Variants in DNAH7 observed in about 807,000 individuals in gnomAD.
DNAH7 encodes dynein axonemal heavy chain 7, also known as axonemal beta dynein heavy chain 7.
Under a neutral mutation model 444.6 loss-of-function variants are expected in DNAH7, and 397 were observed. The observed-to-expected ratio is 0.89, with a 90% CI of 0.82 to 0.97. DNAH7 has a LOEUF of 0.97. Among genes scored for constraint, DNAH7 ranks in the 50% least tolerant of loss-of-function variants. The probability of loss-of-function intolerance (pLI) is 0.00; values close to 1 mark genes in which losing one functional copy is unlikely to be tolerated. For missense variants in DNAH7, 4,902 were observed against 4,800.8 expected (o/e 1.02, Z -0.62); for synonymous variants, 1,636 against 1,624.4 (o/e 1.01, Z -0.17).
chr2:195,934,905 C>T, intron 20 of DNAH7, 116 bp from the exon 21 acceptor site: 1 of 1,146,864 alleles, frequency 8.7e-7, no homozygotes, highest in Non-Finnish European at 1.2e-6. Context: ...AAATGCTGTG[C>T]AAAAACCGGA....
intron 1 of DNAH7, among the ~76,000 whole-genome samples, chr2:196,065,872 T>C (rs957441602): frequency 3.9e-5 from 6 of 152,256 alleles, no homozygotes; most frequent in Non-Finnish European, 8.8e-5. Flanking sequence ...ACCTTACCTT[T>C]CATGCTTCCA....
In DNAH7 at chr2:196,030,166, T is replaced by C. The variant is rs984645350; in HGVS notation, c.399-2119A>G. ...TGTGGTTAGGGAGGCCTCACAATCA[T>C]GGCAGAAGGCGAAAGCCACTTCTTA... On this transcript the variant is annotated intron_variant, in intron 5 of 64. Transcript: ENST00000312428. Among the ~76,000 whole-genome samples the C allele has an allele frequency of 3.3e-5, 5 of 152,182 alleles. No homozygotes were observed. The East Asian group carries it at 9.6e-4, about 29-fold the overall frequency.
chr2:196,055,428 GAA>G (rs1244824146), intron 2 of DNAH7, among the ~76,000 whole-genome samples: 1 of 152,156 alleles, frequency 6.6e-6, no homozygotes, highest in African/African-American at 2.4e-5. Flanking sequence ...AAAAGAAAAG[GAA>G]AGAGTGCAAT....
At chr2:196,043,773 T>C (rs959089231) in intron 5 of DNAH7, among the ~76,000 whole-genome samples, 2 of 151,946 alleles carry the variant, frequency 1.3e-5, no homozygotes, top group Non-Finnish European at 2.9e-5. Context: ...CAAAAGAAGA[T>C]ATGCAAATGG....
At chr2:195,901,065 T>C (rs1686676420) in intron 27 of DNAH7, 2 of 152,270 alleles carry the variant, frequency 1.3e-5, no homozygotes, top group South Asian at 4.1e-4. Context: ...TTTTCTACAA[T>C]AGCATTAAAT....
chr2:195,802,432 G>A (rs779061472), intron 54 of DNAH7, among the ~76,000 whole-genome samples: 1 of 152,160 alleles, frequency 6.6e-6, no homozygotes, highest in Non-Finnish European at 1.5e-5. Flanking sequence ...CCCGGGAGGT[G>A]GAGGTTGCAA....
At position 195,738,001 on chromosome 2, in the gene DNAH7, C is replaced by T. The variant is rs757642841; in HGVS notation, c.11995G>A (p.Ala3999Thr). The T allele has an allele frequency of 6.2e-7, 1 of 1,614,082 alleles. No homozygotes were observed. The highest frequency in any genetic ancestry group is 8.5e-7 in the Non-Finnish European group (1 of 1,179,944). The change falls in exon 65 of 65, where the codon GCC becomes ACC. Residue 3999 changes from alanine to threonine, a missense_variant. By Grantham distance (58) the Ala-to-Thr change is moderately conservative. Transcript: ENST00000312428. ...TTGHSTNFVI[A>T]MTLPSDQPKE... ...GGTTGGTCAGAGGGAAGAGTCATGG[C>T]AATCACAAAATTCGTGGAATGGCCA...
At position 195,972,315 on chromosome 2, in the gene DNAH7, C is replaced by T; in HGVS notation, c.1985G>A (p.Arg662Lys). 6.2e-7 allele frequency: 1 copy of T among 1,614,066 alleles called. No individual in the cohort carries two copies. Among genetic ancestry groups the T allele is most frequent in the Non-Finnish European group, 8.5e-7 (1 of 1,179,984 alleles). Residue 662 changes from arginine to lysine, a missense_variant, in exon 16 of 65, where the codon AGG becomes AAG. Arg to Lys is a conservative substitution (Grantham distance 26). Transcript: ENST00000312428. The stretch of plus-strand genomic sequence containing the variant: ...GTGTTCTTCAAAAATTTCTCCCATC[C>T]TTCCATACCACTGGAAAACACTATT... ...LNNSVFQWYG[R>K]MGEIFEEHRK...
chr2:196,062,730 T>C (rs1444197595), intron 1 of DNAH7, among the ~76,000 whole-genome samples: 1 of 152,202 alleles, frequency 6.6e-6, no homozygotes, highest in African/African-American at 2.4e-5. Flanking sequence ...AGACAGTGCT[T>C]TTCTGATAAT....
Position 195,787,088 on chromosome 2 carries a change from C to T in DNAH7, c.10800G>A (p.Trp3600Ter), listed in dbSNP as rs1317751343. ...TCTCATTGAACTCATAAGGAATATT[C>T]CACCCTAGGGGTCCAAATTTCCGTC... ...QERRKFGPLG[W>*]NIPYEFNETD... is the part of the protein sequence containing the mutation. The change falls in exon 58 of 65, where the codon TGG becomes TGA. Residue 3600 changes from tryptophan (W) to a stop codon, truncating the protein, a stop_gained. Coordinates refer to ENST00000312428, the MANE Select transcript of DNAH7 (RefSeq NM_018897.3). LOFTEE classifies it high-confidence loss of function. 1.9e-6 allele frequency: 3 copies of T among 1,612,668 alleles called. No homozygotes were observed. The highest frequency in any genetic ancestry group is 4.5e-5 in the East Asian group (2 of 44,846).
At chr2:195,784,820 A>G (rs1419724599) in intron 58 of DNAH7, among the ~76,000 whole-genome samples, 2 of 150,860 alleles carry the variant, frequency 1.3e-5, no homozygotes, top group East Asian at 3.9e-4. Context: ...TTTAGTTTTT[A>G]TTTCTCTGAT....
In DNAH7 at chr2:195,794,412, G is replaced by A. The variant is rs764919373; in HGVS notation, c.10642C>T (p.Arg3548Trp). Residue 3548 changes from arginine (R) to tryptophan (W), a missense_variant, in exon 57 of 65, where the codon CGG (arginine) becomes TGG (tryptophan). Arg to Trp is a moderately radical substitution (Grantham distance 101). Transcript: ENST00000312428. The part of the protein sequence containing the change: ...KMTNEAPKGL[R>W]ANIIRSYLMD... ...AGGTATGATCGAATGATATTAGCCCGTAAACCTTTTGGTGCTTCATTGGTC... is the reference window on the plus strand; with the variant it reads ...AGGTATGATCGAATGATATTAGCCCATAAACCTTTTGGTGCTTCATTGGTC... 1.6e-5 allele frequency: 26 copies of A among 1,614,016 alleles called. No homozygotes were observed. The highest frequency in any genetic ancestry group is 1.6e-4 in the Middle Eastern group (1 of 6,084).
intron 19 of DNAH7, among the ~76,000 whole-genome samples, chr2:195,940,339 G>A (rs1442938615): frequency 6.6e-6 from 1 of 152,112 alleles, no homozygotes; most frequent in Admixed American, 6.5e-5. Context: ...ACAGAAACTG[G>A]ACCCCTTCCT....
intron 36 of DNAH7, among the ~76,000 whole-genome samples, chr2:195,880,627 T>A (rs549657867): frequency 3.9e-5 from 6 of 152,286 alleles, no homozygotes; most frequent in African/African-American, 1.4e-4. Context: ...CGTGAGCCAC[T>A]GCGCCCGGCC....
At chr2:195,802,903 T>C (rs897144315) in intron 54 of DNAH7, among the ~76,000 whole-genome samples, 2 of 152,198 alleles carry the variant, frequency 1.3e-5, no homozygotes, top group Non-Finnish European at 2.9e-5. Context: ...CTACACTCTA[T>C]ATCCAGATAT....
At chr2:195,938,045 C>G (rs971461394) in intron 19 of DNAH7, among the ~76,000 whole-genome samples, 2 of 151,810 alleles carry the variant, frequency 1.3e-5, no homozygotes, top group African/African-American at 4.8e-5. Flanking sequence ...AAAAATGTAA[C>G]CAGTAAATTT....
intron 5 of DNAH7, among the ~76,000 whole-genome samples, chr2:196,038,505 A>G (rs1457916770): frequency 6.6e-6 from 1 of 152,168 alleles, no homozygotes; most frequent in African/African-American, 2.4e-5. Context: ...TTTAATATAT[A>G]TAAACAGTTG....
intron 63 of DNAH7, among the ~76,000 whole-genome samples, chr2:195,750,884 G>A (rs1234087266): frequency 1.3e-5 from 2 of 152,088 alleles, no homozygotes; most frequent in East Asian, 1.9e-4. Context: ...TACTTAATTT[G>A]AGCCAAATTA....
Position 195,845,095 on chromosome 2 carries a change from A to C in DNAH7, c.8852T>G (p.Met2951Arg). Reference sequence around the variant, plus strand: ...TGTCACAGCTTCTCCCAGGGTACCCATAAGAGAGCAATCATCTGAGCAGGG... The same window carrying C: ...TGTCACAGCTTCTCCCAGGGTACCCCTAAGAGAGCAATCATCTGAGCAGGG... ...DIPCSDDCSL[M>R]GTLGEAVTIR... Residue 2951 changes from methionine to arginine, a missense_variant, in exon 47 of 65, where the codon ATG becomes AGG. Transcript: ENST00000312428. The C allele has an allele frequency of 6.2e-7, 1 of 1,613,916 alleles. No homozygotes were observed. The highest frequency in any genetic ancestry group is 8.5e-7 in the Non-Finnish European group (1 of 1,179,896).
Sources: gnomAD v4.1 joint callset for allele counts (sites outside exome capture counted in the v4.1 genomes callset) on GRCh38, gnomAD v4.1.1 for gene constraint, MANE v1.5 for transcripts, NCBI Gene and HGNC (gene_info 2026-07-23, HGNC 2026-07-21) for gene names.